The following SLIT3 variants were observed in gnomAD, a reference collection of about 807,000 sequenced individuals.
The protein encoded by SLIT3 is slit homolog 3 protein.
SLIT3 carries 68 observed loss-of-function variants against 184.0 expected under a neutral mutation model. The ratio of observed to expected loss-of-function variants is 0.37; its 90% confidence interval spans 0.30 to 0.45. The LOEUF is 0.45. Among genes scored for constraint, SLIT3 ranks in the 20% least tolerant of loss-of-function variants. SLIT3 has a pLI of 1.00. For missense variants in SLIT3, 1,707 were observed against 2,026.0 expected (o/e 0.84, Z 3.02); for synonymous variants, 831 against 828.6 (o/e 1.00, Z -0.05).
chr5:168,832,443 T>C (rs144676896), intron 6 of SLIT3, among the ~76,000 whole-genome samples: 1 of 152,334 alleles, frequency 6.6e-6, no homozygotes, highest in East Asian at 1.9e-4. Flanking sequence ...CCTGGCCCAG[T>C]GTTTGGCACA....
At chr5:169,098,653 T>A (rs747012657) in intron 4 of SLIT3, among the ~76,000 whole-genome samples, 1 of 152,162 alleles carries the variant, frequency 6.6e-6, no homozygotes, top group African/African-American at 2.4e-5. Context: ...GTGGATGACA[T>A]TGATGTGCCC....
At chr5:168,901,022 G>A (rs1187730787) in intron 4 of SLIT3, among the ~76,000 whole-genome samples, 2 of 152,122 alleles carry the variant, frequency 1.3e-5, no homozygotes, top group African/African-American at 2.4e-5. Context: ...CTGGGGTGAC[G>A]GATATCCTAA....
chr5:169,013,771 T>G (rs1032637846), intron 4 of SLIT3, among the ~76,000 whole-genome samples: 9 of 152,214 alleles, frequency 5.9e-5, no homozygotes, highest in African/African-American at 2.2e-4. Flanking sequence ...TCTGCTCAAA[T>G]ATTCATTCAC....
In SLIT3 at chr5:168,774,184, G is replaced by C. The variant is rs2288793; in HGVS notation, c.1295+51C>G. The C allele has an allele frequency of 7.2e-3, 11,079 of 1,544,540 alleles. 542 individuals carry two copies. In the African/African-American group the frequency reaches 0.11, roughly 16 times the overall value. ...TGGGTGTTTTTCATGATGGGCATTTGGGGTCTCCTGCTGCTTGGGCACCCA... is the reference window on the plus strand; with the variant it reads ...TGGGTGTTTTTCATGATGGGCATTTCGGGTCTCCTGCTGCTTGGGCACCCA... On this transcript the variant is annotated intron_variant, in intron 13 of 35. Coordinates refer to ENST00000519560, the MANE Select transcript of SLIT3 (RefSeq NM_003062.4).
intron 28 of SLIT3, among the ~76,000 whole-genome samples, chr5:168,695,241 C>T (rs994906447): frequency 6.6e-6 from 1 of 152,138 alleles, no homozygotes; most frequent in African/African-American, 2.4e-5. Context: ...CCTGAGCTTC[C>T]CCCTCCTCAT....
At chr5:168,998,451 A>T (rs1300040829) in intron 4 of SLIT3, among the ~76,000 whole-genome samples, 1 of 152,182 alleles carries the variant, frequency 6.6e-6, no homozygotes, top group Non-Finnish European at 1.5e-5. Context: ...CAGGCCTATA[A>T]TCCCAGCATT....
intron 4 of SLIT3, among the ~76,000 whole-genome samples, chr5:168,930,310 C>T (rs1184016513): frequency 6.6e-6 from 1 of 152,166 alleles, no homozygotes; most frequent in African/African-American, 2.4e-5. Flanking sequence ...AGAGTAAACC[C>T]TTGTTAATTT....
chr5:168,844,600 G>T lies in SLIT3; in HGVS notation c.541C>A (p.Arg181Ser), dbSNP rs779381240. 2 of 1,614,092 alleles carry T rather than the reference G, an allele frequency of 1.2e-6. No homozygotes were observed. Among genetic ancestry groups the T allele is most frequent in the East Asian group, 2.2e-5 (1 of 44,870 alleles). Residue 181 changes from arginine to serine, a missense_variant, in exon 6 of 36, where the codon CGC becomes AGC. Transcript: ENST00000519560. ...TCAACTCACAGGATCTCCAAATCGC[G>T]CAGCGCTCGGAAGGCTCCATCTTCA... The part of the protein sequence containing the change: ...CIEDGAFRAL[R>S]DLEILTLNNN...
At chr5:168,971,244 GAGA>G (rs1313365260) in intron 4 of SLIT3, among the ~76,000 whole-genome samples, 65 of 152,322 alleles carry the variant, frequency 4.3e-4, no homozygotes, top group Middle Eastern at 3.4e-3. Context: ...TGAATCACCT[GAGA>G]TCACTGTGAC....
At chr5:168,957,518 G>C (rs1483272894) in intron 4 of SLIT3, among the ~76,000 whole-genome samples, 1 of 152,314 alleles carries the variant, frequency 6.6e-6, no homozygotes, top group Middle Eastern at 3.4e-3. Context: ...GGAGGTCTGG[G>C]GTGAGGCCCA....
chr5:168,771,598 G>A (rs1184157798), intron 14 of SLIT3, among the ~76,000 whole-genome samples: 2 of 152,178 alleles, frequency 1.3e-5, no homozygotes, highest in African/African-American at 4.8e-5. Flanking sequence ...AAAGATGGCT[G>A]TTGTAACTGA....
rs543123084 is a variant in SLIT3 at position 168,881,518 on chromosome 5, G to A, written c.485+1747C>T. On this transcript the variant is annotated intron_variant, in intron 5 of 35. Coordinates refer to ENST00000519560, the MANE Select transcript of SLIT3 (RefSeq NM_003062.4). The stretch of plus-strand genomic sequence containing the variant: ...CTGACTGATATATCACTTTATATAC[G>A]CAAAATGTTCTTTTGGGGTTCAACC... 2.0e-5 allele frequency among the ~76,000 whole-genome samples: 3 copies of A among 152,200 alleles called. No homozygotes were observed. In the East Asian group the frequency reaches 5.8e-4, roughly 29 times the overall value.
At chr5:169,005,273 A>G (rs1220227542) in intron 4 of SLIT3, among the ~76,000 whole-genome samples, 2 of 152,204 alleles carry the variant, frequency 1.3e-5, no homozygotes, top group Non-Finnish European at 2.9e-5. Context: ...TGGAACCCAT[A>G]ATATCCCCCA....
At chr5:169,117,117 CCTT>C (rs1335713654) in intron 4 of SLIT3, among the ~76,000 whole-genome samples, 1 of 152,134 alleles carries the variant, frequency 6.6e-6, no homozygotes, top group African/African-American at 2.4e-5. Flanking sequence ...AGGTGGCAGT[CCTT>C]CTTCATTAAT....
At chr5:168,705,026 G>A (rs1232050315) in intron 26 of SLIT3, among the ~76,000 whole-genome samples, 3 of 152,176 alleles carry the variant, frequency 2.0e-5, no homozygotes, top group Admixed American at 2.0e-4. Context: ...GGAGAAGAGC[G>A]AGTTCTGTCC....
chr5:169,277,011 A>G (rs1766830059), intron 1 of SLIT3, among the ~76,000 whole-genome samples: 1 of 152,204 alleles, frequency 6.6e-6, no homozygotes. Context: ...ACATATTTCC[A>G]AAACTTTTTC....
At chr5:169,241,148 T>G (rs1423226908) in intron 3 of SLIT3, among the ~76,000 whole-genome samples, 3 of 152,190 alleles carry the variant, frequency 2.0e-5, no homozygotes, top group African/African-American at 7.2e-5. Context: ...AGTGTGTTTG[T>G]TTCCTCTTGG....
intron 26 of SLIT3, among the ~76,000 whole-genome samples, chr5:168,703,922 C>A (rs890596628): frequency 8.4e-6 from 1 of 119,388 alleles, no homozygotes; most frequent in Admixed American, 1.2e-4. Context: ...TCCAGCCTGG[C>A]AACGGAGTGA....
At chr5:169,276,672 G>C (rs1209865626) in intron 1 of SLIT3, among the ~76,000 whole-genome samples, 1 of 152,162 alleles carries the variant, frequency 6.6e-6, no homozygotes, top group Non-Finnish European at 1.5e-5. Context: ...CAGTTGCCAT[G>C]GTAGTAAAAT....
Sources: gnomAD v4.1 joint callset for allele counts (sites outside exome capture counted in the v4.1 genomes callset) on GRCh38, gnomAD v4.1.1 for gene constraint, MANE v1.5 for transcripts, NCBI Gene and HGNC (gene_info 2026-07-23, HGNC 2026-07-21) for gene names.